The following HECW1 variants were observed in gnomAD, a reference collection of about 807,000 sequenced individuals.
HECW1 encodes HECT, C2 and WW domain containing E3 ubiquitin protein ligase 1.
Under a neutral mutation model 182.3 loss-of-function variants are expected in HECW1, and 61 were observed. That is an observed-to-expected ratio of 0.33 (90% CI 0.27 to 0.41). The LOEUF (loss-of-function observed/expected upper bound fraction) is 0.41. HECW1 is among the 10% of genes least tolerant of loss of function. The pLI is 1.00. For synonymous variants in HECW1, 859 were observed against 832.6 expected (o/e 1.03, Z -0.55); for missense variants, 1,739 against 2,108.9 (o/e 0.82, Z 3.44).
chr7:43,230,225 T>C (rs1243781420), intron 2 of HECW1, among the ~76,000 whole-genome samples: 2 of 152,126 alleles, frequency 1.3e-5, no homozygotes. Flanking sequence ...AAACTCCATC[T>C]CTACTAAAAA....
At chr7:43,183,227 C>T (rs987658831) in intron 2 of HECW1, among the ~76,000 whole-genome samples, 1 of 152,174 alleles carries the variant, frequency 6.6e-6, no homozygotes, top group Non-Finnish European at 1.5e-5. Flanking sequence ...TAACATCAGT[C>T]TCATAAACCT....
At chr7:43,225,961 C>T (rs183179337) in intron 2 of HECW1, among the ~76,000 whole-genome samples, 29 of 152,040 alleles carry the variant, frequency 1.9e-4, no homozygotes, top group African/African-American at 6.5e-4. Context: ...TTAGTAGAGA[C>T]GAGGTCACAG....
chr7:43,280,331 C>G (rs889195004), intron 3 of HECW1, among the ~76,000 whole-genome samples: 1 of 152,106 alleles, frequency 6.6e-6, no homozygotes, highest in African/African-American at 2.4e-5. Flanking sequence ...CCTTACCCGT[C>G]CAGTGTCAGG....
chr7:43,198,397 A>G (rs1794688040), intron 2 of HECW1, among the ~76,000 whole-genome samples: 1 of 144,912 alleles, frequency 6.9e-6, no homozygotes. Context: ...CACACTCATC[A>G]GTCACACACC....
intron 19 of HECW1, among the ~76,000 whole-genome samples, chr7:43,493,454 A>G (rs2079009437): frequency 6.6e-6 from 1 of 152,222 alleles, no homozygotes; most frequent in Non-Finnish European, 1.5e-5. Context: ...AAAGGAAACA[A>G]AATAGCTTCC....
At chr7:43,361,600 C>T (rs756838024) in intron 6 of HECW1, among the ~76,000 whole-genome samples, 54 of 152,192 alleles carry the variant, frequency 3.5e-4, no homozygotes, top group Non-Finnish European at 6.6e-4. Flanking sequence ...TTTGCTCAGG[C>T]CTGTGGTAAT....
intron 6 of HECW1, among the ~76,000 whole-genome samples, chr7:43,366,443 C>T (rs1053565821): frequency 6.6e-6 from 1 of 152,102 alleles, no homozygotes; most frequent in Non-Finnish European, 1.5e-5. Flanking sequence ...AATTTCAAGT[C>T]ATAATAAAGC....
intron 6 of HECW1, among the ~76,000 whole-genome samples, chr7:43,366,282 A>G (rs1816647167): frequency 6.6e-6 from 1 of 152,184 alleles, no homozygotes; most frequent in South Asian, 2.1e-4. Context: ...ACTCTAAAAT[A>G]GGGCCAAGAT....
chr7:43,480,736 TAC>T (rs778153881), intron 17 of HECW1, among the ~76,000 whole-genome samples: 2 of 138,856 alleles, frequency 1.4e-5, no homozygotes, highest in Admixed American at 7.3e-5. Context: ...TATATATATA[TAC>T]ACACACACAC....
At chr7:43,487,992 A>T (rs2078714471) in intron 17 of HECW1, among the ~76,000 whole-genome samples, 1 of 146,908 alleles carries the variant, frequency 6.8e-6, no homozygotes, top group Non-Finnish European at 1.5e-5. Context: ...GAAAGAAAAA[A>T]GAAAGAAAGA....
intron 18 of HECW1, among the ~76,000 whole-genome samples, chr7:43,492,644 C>T (rs1270659929): frequency 6.6e-6 from 1 of 152,156 alleles, no homozygotes; most frequent in African/African-American, 2.4e-5. Context: ...GAAATGAGAG[C>T]ATCTAAATGG....
chr7:43,564,832 T>C lies in HECW1; in HGVS notation c.*2906T>C. The C allele has an allele frequency of 5.5e-6, 1 of 183,156 alleles. No individual in the cohort carries two copies. 11.3% of individuals were successfully genotyped at this position (183,156 alleles called of 1,614,324 possible). Reference sequence around the variant, plus strand: ...CACTTAGGTGGAGGTATAAACCACCTTAAATTATATAGTTCGGCAGAAAGA... The same window carrying C: ...CACTTAGGTGGAGGTATAAACCACCCTAAATTATATAGTTCGGCAGAAAGA... On this transcript the variant is annotated 3_prime_UTR_variant, in exon 30 of 30. Coordinates refer to ENST00000395891, the MANE Select transcript of HECW1 (RefSeq NM_015052.5).
chr7:43,219,724 T>A (rs1796787468), intron 2 of HECW1, among the ~76,000 whole-genome samples: 1 of 152,198 alleles, frequency 6.6e-6, no homozygotes, highest in Non-Finnish European at 1.5e-5. Context: ...GATAACATAA[T>A]TGATTAAGTC....
At chr7:43,331,435 T>C (rs1400742064) in intron 5 of HECW1, among the ~76,000 whole-genome samples, 4 of 151,406 alleles carry the variant, frequency 2.6e-5, no homozygotes, top group African/African-American at 4.9e-5. Context: ...CTAAAAAAAA[T>C]ACAAAAAATT....
chr7:43,560,846 G>A (rs1428015704), intron 29 of HECW1, among the ~76,000 whole-genome samples: 1 of 152,180 alleles, frequency 6.6e-6, no homozygotes, highest in African/African-American at 2.4e-5. Flanking sequence ...TGATTTTAGA[G>A]TGCCCTTTTC....
intron 6 of HECW1, among the ~76,000 whole-genome samples, chr7:43,369,672 A>G (rs1390544839): frequency 6.6e-6 from 1 of 152,208 alleles, no homozygotes; most frequent in East Asian, 1.9e-4. Context: ...CTTGACATGA[A>G]TATATCCAGT....
chr7:43,476,037 G>C (rs2078208883), intron 16 of HECW1, among the ~76,000 whole-genome samples: 2 of 152,098 alleles, frequency 1.3e-5, no homozygotes, highest in Admixed American at 1.3e-4. Context: ...CGTTGTTCTA[G>C]AAGTACTCAC....
At chr7:43,212,576 C>A (rs1475661410) in intron 2 of HECW1, among the ~76,000 whole-genome samples, 1 of 152,046 alleles carries the variant, frequency 6.6e-6, no homozygotes, top group Non-Finnish European at 1.5e-5. Flanking sequence ...TATTACGCTG[C>A]ACTCTTCTTA....
intron 2 of HECW1, among the ~76,000 whole-genome samples, chr7:43,160,054 A>G (rs1425708869): frequency 6.6e-6 from 1 of 152,234 alleles, no homozygotes; most frequent in Non-Finnish European, 1.5e-5. Context: ...TGAGCAAATT[A>G]AACTATTGTT....
Sources: gnomAD v4.1 joint callset for allele counts (sites outside exome capture counted in the v4.1 genomes callset) on GRCh38, gnomAD v4.1.1 for gene constraint, MANE v1.5 for transcripts, NCBI Gene and HGNC (gene_info 2026-07-23, HGNC 2026-07-21) for gene names.